Variants in MCC observed in about 807,000 individuals in gnomAD.
MCC encodes the protein colorectal mutant cancer protein.
In MCC, 90 loss-of-function variants were observed where a neutral mutation model predicts 116.2. The ratio of observed to expected loss-of-function variants is 0.77; its 90% CI spans 0.65 to 0.92. MCC has a LOEUF of 0.92. Among genes scored for constraint, MCC ranks in the 40% least tolerant of loss-of-function variants. The pLI is 0.00. For synonymous variants in MCC, 578 were observed against 510.5 expected (o/e 1.13, Z -1.78); for missense variants, 1,516 against 1,312.2 (o/e 1.16, Z -2.40).
chr5:113,046,044 G>A (rs1218198523), intron 16 of MCC, among the ~76,000 whole-genome samples: 1 of 151,888 alleles, frequency 6.6e-6, no homozygotes, highest in Non-Finnish European at 1.5e-5. Flanking sequence ...GCCCAGATGG[G>A]AGATTTTATT....
In MCC at chr5:113,085,681, T is replaced by C. The variant is rs571975873; in HGVS notation, c.1399-371A>G. Among the ~76,000 whole-genome samples, 4 of 152,234 alleles carry C rather than the reference T, an allele frequency of 2.6e-5. No homozygotes were observed. In the East Asian group the frequency reaches 7.7e-4, roughly 29 times the overall value. ...AGGCCCTGGAAGCTTCCAGGATGGA[T>C]GACCATCTTTTTTTATTTTTATTTT... On this transcript the variant is annotated intron_variant, in intron 8 of 18. Transcript: ENST00000408903.
chr5:113,353,049 A>C (rs548263189), intron 2 of MCC, among the ~76,000 whole-genome samples: 2 of 152,198 alleles, frequency 1.3e-5, no homozygotes, highest in Admixed American at 1.3e-4. Flanking sequence ...TCTCCTTGAC[A>C]TGGACACCAC....
At chr5:113,136,905 T>G (rs1758867080) in intron 5 of MCC, among the ~76,000 whole-genome samples, 1 of 152,188 alleles carries the variant, frequency 6.6e-6, no homozygotes, top group Admixed American at 6.5e-5. Flanking sequence ...TGGGTAACAG[T>G]GATGAAAGTG....
intron 3 of MCC, among the ~76,000 whole-genome samples, chr5:113,174,904 T>A (rs1045516143): frequency 4.6e-5 from 7 of 152,092 alleles, no homozygotes; most frequent in Non-Finnish European, 1.0e-4. Context: ...ATTTTTTTTT[T>A]AAATGTTAAG....
chr5:113,195,162 G>A (rs1581235217), intron 3 of MCC, among the ~76,000 whole-genome samples: 1 of 152,236 alleles, frequency 6.6e-6, no homozygotes, highest in African/African-American at 2.4e-5. Context: ...ATCACACTTG[G>A]TGTGAAGACA....
rs557856411 is a variant in MCC at position 113,384,836 on chromosome 5, A to C, written c.415+132T>G. On this transcript the variant is annotated intron_variant, in intron 2 of 18. Transcript: ENST00000408903. ...AAACAGTGAGCACTCCCCCAGGGAAAGTGTGGCCAGGAGGGCAGCCTCAGT... is the reference window on the plus strand; with the variant it reads ...AAACAGTGAGCACTCCCCCAGGGAACGTGTGGCCAGGAGGGCAGCCTCAGT... The C allele has an allele frequency of 4.6e-5, 44 of 961,534 alleles. No individual in the cohort carries two copies. In the East Asian group the frequency reaches 1.1e-3, roughly 23 times the overall value. The allele number at this position is 961,534 out of a possible 1,614,324, so 59.6% of individuals were successfully genotyped here. A position where few individuals can be genotyped will look rare whatever the true frequency, so the allele number is the denominator to read the frequency against.
rs534835573 is a variant in MCC, at chr5:113,353,130, C to A, written c.416-12400G>T. Among the ~76,000 whole-genome samples, 190 of 152,240 alleles carry A rather than the reference C, an allele frequency of 1.2e-3. 1 individual carries two copies. The highest frequency in any genetic ancestry group is 4.3e-3 in the African/African-American group (180 of 41,562). ...TCTGTATCTTCTGACATGATGGGTG[C>A]TTTCAAGGCAGAGGCCTTTCACGTG... On this transcript the variant is annotated intron_variant, in intron 2 of 18. Coordinates refer to ENST00000408903, the MANE Select transcript of MCC (RefSeq NM_001085377.2).
At chr5:113,245,593 T>C (rs1356606512) in intron 3 of MCC, among the ~76,000 whole-genome samples, 1 of 152,132 alleles carries the variant, frequency 6.6e-6, no homozygotes. Flanking sequence ...TGGAATCCAC[T>C]GTGAGAAACA....
At chr5:113,253,092 C>A (rs1002168529) in intron 3 of MCC, among the ~76,000 whole-genome samples, 5 of 152,180 alleles carry the variant, frequency 3.3e-5, no homozygotes, top group African/African-American at 1.2e-4. Context: ...CATCTCCCTA[C>A]CCCAACCCAC....
chr5:113,184,613 C>T (rs1761805989), intron 3 of MCC, among the ~76,000 whole-genome samples: 1 of 151,536 alleles, frequency 6.6e-6, no homozygotes, highest in South Asian at 2.1e-4. Flanking sequence ...TAGGTGTGCA[C>T]AACCACGCCC....
chr5:113,298,377 A>G (rs185455796), intron 3 of MCC, among the ~76,000 whole-genome samples: 2 of 152,326 alleles, frequency 1.3e-5, no homozygotes, highest in East Asian at 3.9e-4. Flanking sequence ...TTTCAAAGAC[A>G]TTACTGTCCT....
rs562229934 is a variant in MCC at position 113,046,986 on chromosome 5, G to T, written c.2655+2107C>A. 9.2e-5 allele frequency among the ~76,000 whole-genome samples: 14 copies of T among 152,148 alleles called. No homozygotes were observed. In the East Asian group the frequency reaches 1.4e-3, roughly 15 times the overall value. The stretch of plus-strand genomic sequence containing the variant: ...AGTGCATCAACTCCACAACCCTCCG[G>T]GCCATTAAACGTGCTGTCCCATCAG... On this transcript the variant is annotated intron_variant, in intron 16 of 18. Transcript: ENST00000408903.
chr5:113,055,213 G>C (rs749326064), intron 14 of MCC, among the ~76,000 whole-genome samples: 1 of 152,134 alleles, frequency 6.6e-6, no homozygotes, highest in African/African-American at 2.4e-5. Flanking sequence ...CCGCAGCCTC[G>C]TCCCACAGCC....
chr5:113,207,591 T>C (rs970739843), intron 3 of MCC, among the ~76,000 whole-genome samples: 33 of 152,208 alleles, frequency 2.2e-4, no homozygotes, highest in African/African-American at 7.0e-4. Flanking sequence ...CACGTAGTTA[T>C]CCAACGCCTA....
At chr5:113,289,894 T>C (rs1012689104) in intron 3 of MCC, among the ~76,000 whole-genome samples, 6 of 152,212 alleles carry the variant, frequency 3.9e-5, no homozygotes, top group Non-Finnish European at 7.3e-5. Flanking sequence ...GCTAATGCTA[T>C]GGCTAAGACA....
At chr5:113,403,117 G>T (rs530256049) in intron 1 of MCC, among the ~76,000 whole-genome samples, 1 of 152,214 alleles carries the variant, frequency 6.6e-6, no homozygotes, top group African/African-American at 2.4e-5. Flanking sequence ...GGCCCACTCT[G>T]AGTAGCACTG....
At chr5:113,129,165 G>A (rs910811905) in intron 5 of MCC, among the ~76,000 whole-genome samples, 2 of 151,940 alleles carry the variant, frequency 1.3e-5, no homozygotes, top group African/African-American at 4.9e-5. Flanking sequence ...CCTTGGGGCT[G>A]CTGCTGTATG....
At chr5:113,137,586 G>A (rs1425869986) in intron 5 of MCC, among the ~76,000 whole-genome samples, 1 of 152,012 alleles carries the variant, frequency 6.6e-6, no homozygotes, top group Non-Finnish European at 1.5e-5. Context: ...TGTTGCATTT[G>A]GTTTGCTAGT....
At chr5:113,068,226 C>T (rs201159212) in intron 12 of MCC, 43 bp from the exon 13 acceptor site, 821 of 1,479,550 alleles carry the variant, frequency 5.5e-4, no homozygotes, top group Non-Finnish European at 7.1e-4. Flanking sequence ...CAGAGAACAG[C>T]GGACACCTTC....
Sources: allele counts gnomAD v4.1 joint callset (sites outside exome capture counted in the v4.1 genomes callset), GRCh38; gene constraint gnomAD v4.1.1; transcripts MANE v1.5; gene names NCBI Gene and HGNC (gene_info 2026-07-23, HGNC 2026-07-21).